The following DPYD variants were observed in gnomAD, a reference collection of about 807,000 sequenced individuals.
DPYD encodes the protein dihydropyrimidine dehydrogenase [NADP(+)].
A neutral mutation model predicts 116.2 loss-of-function variants in DPYD; 109 were observed. The observed-to-expected ratio is 0.94, with a 90% CI of 0.80 to 1.10. DPYD has a LOEUF of 1.10. Among genes scored for constraint, DPYD ranks in the 50% least tolerant of loss-of-function variants. DPYD has a pLI of 0.00. For synonymous variants in DPYD, 440 were observed against 432.0 expected (o/e 1.02, Z -0.23); for missense variants, 1,302 against 1,254.5 (o/e 1.04, Z -0.57).
chr1:97,097,182 T>A (rs1207235369), intron 21 of DPYD, among the ~76,000 whole-genome samples: 2 of 152,196 alleles, frequency 1.3e-5, no homozygotes, highest in African/African-American at 4.8e-5. Context: ...AAGTCCCAAA[T>A]GTTCATTTTA....
chr1:97,213,455 TC>T (rs1281388740), intron 19 of DPYD, among the ~76,000 whole-genome samples: 1 of 152,270 alleles, frequency 6.6e-6, no homozygotes, highest in Non-Finnish European at 1.5e-5. Context: ...AATGATCGCT[TC>T]CTTACATGAT....
At chr1:97,584,139 T>G (rs1157081539) in intron 10 of DPYD, among the ~76,000 whole-genome samples, 2 of 152,240 alleles carry the variant, frequency 1.3e-5, no homozygotes, top group African/African-American at 2.4e-5. Context: ...CATTGTGGTT[T>G]TGATTTGCAT....
intron 14 of DPYD, among the ~76,000 whole-genome samples, chr1:97,441,232 T>C (rs768317678): frequency 5.9e-5 from 9 of 152,068 alleles, no homozygotes; most frequent in Non-Finnish European, 1.2e-4. Flanking sequence ...GAGGGGTGTT[T>C]TGGGAGGTTT....
intron 2 of DPYD, among the ~76,000 whole-genome samples, chr1:97,878,929 G>T (rs1346809203): frequency 2.0e-5 from 3 of 151,904 alleles, no homozygotes; most frequent in African/African-American, 7.2e-5. Flanking sequence ...GACTGAGATT[G>T]TGAAGCTCAT....
At chr1:97,384,825 G>A (rs535148379) in intron 14 of DPYD, among the ~76,000 whole-genome samples, 1 of 152,182 alleles carries the variant, frequency 6.6e-6, no homozygotes, top group Middle Eastern at 3.4e-3. Context: ...ACAACGTTCC[G>A]AAATATGGAA....
At chr1:97,631,113 G>A (rs932422103) in intron 8 of DPYD, among the ~76,000 whole-genome samples, 1 of 152,078 alleles carries the variant, frequency 6.6e-6, no homozygotes, top group Non-Finnish European at 1.5e-5. Flanking sequence ...CCAAATGTGG[G>A]CTATGGCGTC....
At chr1:97,629,043 T>G (rs553941370) in intron 8 of DPYD, among the ~76,000 whole-genome samples, 1 of 152,226 alleles carries the variant, frequency 6.6e-6, no homozygotes, top group East Asian at 1.9e-4. Context: ...TGGCAATTAG[T>G]AAACAATCAC....
At chr1:97,365,823 G>A (rs997146963) in intron 16 of DPYD, among the ~76,000 whole-genome samples, 1 of 152,050 alleles carries the variant, frequency 6.6e-6, no homozygotes, top group Non-Finnish European at 1.5e-5. Context: ...TAGCAGACAC[G>A]GGGTTTCGCC....
At chr1:97,381,659 C>T (rs554260070) in intron 15 of DPYD, among the ~76,000 whole-genome samples, 1 of 152,238 alleles carries the variant, frequency 6.6e-6, no homozygotes, top group East Asian at 1.9e-4. Context: ...TATAATGTAG[C>T]GTCAATTAGT....
intron 14 of DPYD, among the ~76,000 whole-genome samples, chr1:97,442,882 A>G (rs977210509): frequency 2.6e-5 from 4 of 152,208 alleles, no homozygotes; most frequent in Non-Finnish European, 5.9e-5. Context: ...TCCCTTTCAC[A>G]ACATACAAAA....
intron 13 of DPYD, among the ~76,000 whole-genome samples, chr1:97,480,932 A>T (rs190542914): frequency 6.6e-6 from 1 of 152,292 alleles, no homozygotes; most frequent in African/African-American, 2.4e-5. Context: ...GTGAGCCGAG[A>T]TCATGCCACT....
chr1:97,556,325 C>CT (rs112978529), intron 11 of DPYD, among the ~76,000 whole-genome samples: 30,914 of 150,428 alleles, frequency 0.21, 3,288 homozygotes, highest in Non-Finnish European at 0.22. Flanking sequence ...TTTCTATTCC[C>CT]TTTTTTTTTA....
chr1:97,492,950 GA>G (rs1453266119), intron 13 of DPYD, among the ~76,000 whole-genome samples: 1 of 152,114 alleles, frequency 6.6e-6, no homozygotes, highest in Non-Finnish European at 1.5e-5. Context: ...TTTTCGAAAT[GA>G]AAATGCTAAT....
intron 16 of DPYD, among the ~76,000 whole-genome samples, chr1:97,342,235 G>T (rs1402084486): frequency 6.6e-6 from 1 of 152,090 alleles, no homozygotes; most frequent in Non-Finnish European, 1.5e-5. Context: ...TTAAATACAT[G>T]ATCTTGTCTA....
chr1:97,362,392 G>T (rs1221325347), intron 16 of DPYD, among the ~76,000 whole-genome samples: 1 of 152,128 alleles, frequency 6.6e-6, no homozygotes, highest in African/African-American at 2.4e-5. Flanking sequence ...GTAATTCATA[G>T]AATCAATGCC....
chr1:97,653,551 C>T (rs559038747), intron 8 of DPYD, among the ~76,000 whole-genome samples: 1 of 152,218 alleles, frequency 6.6e-6, no homozygotes, highest in South Asian at 2.1e-4. Flanking sequence ...GATCTGCCCG[C>T]CTCGGCCTCC....
intron 11 of DPYD, among the ~76,000 whole-genome samples, chr1:97,562,251 A>C (rs1485087265): frequency 6.6e-6 from 1 of 152,182 alleles, no homozygotes; most frequent in Non-Finnish European, 1.5e-5. Context: ...AAAGTATGAG[A>C]GTAATGTGAT....
intron 18 of DPYD, among the ~76,000 whole-genome samples, chr1:97,290,882 C>T (rs1396109580): frequency 2.0e-5 from 3 of 151,992 alleles, no homozygotes; most frequent in African/African-American, 7.3e-5. Context: ...AAGAAACTAC[C>T]ATCAGAGTGA....
chr1:97,803,688 A>C (rs1042411272), intron 3 of DPYD, among the ~76,000 whole-genome samples: 2 of 151,922 alleles, frequency 1.3e-5, no homozygotes, highest in African/African-American at 4.8e-5. Context: ...CCTTCTGATT[A>C]TTAAATGAAA....
Sources: allele counts gnomAD v4.1 joint callset (sites outside exome capture counted in the v4.1 genomes callset), GRCh38; gene constraint gnomAD v4.1.1; transcripts MANE v1.5; gene names NCBI Gene and HGNC (gene_info 2026-07-23, HGNC 2026-07-21).